The following IL23R variants were observed in gnomAD, a reference collection of about 807,000 sequenced individuals.
IL23R encodes interleukin 23 receptor.
IL23R carries 34 observed loss-of-function variants against 56.9 expected under a neutral mutation model. The ratio of observed to expected loss-of-function variants is 0.60; its 90% CI spans 0.45 to 0.80. The LOEUF (loss-of-function observed/expected upper bound fraction) is 0.80. Ranked by LOEUF, IL23R falls within the 30% of genes least tolerant of loss-of-function variation. IL23R has a pLI of 0.00. For missense variants in IL23R, 635 were observed against 730.0 expected (o/e 0.87, Z 1.50); for synonymous variants, 230 against 249.2 (o/e 0.92, Z 0.73).
chr1:67,237,674 C>T (rs112519093), intron 8 of IL23R, among the ~76,000 whole-genome samples: 180 of 152,262 alleles, frequency 1.2e-3, no homozygotes, highest in Non-Finnish European at 2.3e-3. Context: ...CTTGCCTAAA[C>T]GTTTTAGGCG....
rs1651497032 is a variant in IL23R, at chr1:67,236,696, T to C, written c.956-17T>C. On this transcript the variant is annotated splice_polypyrimidine_tract_variant and intron_variant, in intron 7 of 10. Transcript: ENST00000347310. ...TGCAAAATGTAAGAAACTGACACTC[T>C]TTCCTTTTGGTTTAAGTTCCCCAGG... 6.4e-7 allele frequency: 1 copy of C among 1,568,862 alleles called. No homozygotes were observed. Among genetic ancestry groups the C allele is most frequent in the Non-Finnish European group, 8.8e-7 (1 of 1,138,670 alleles).
chr1:67,227,727 T>G (rs1042976001), intron 7 of IL23R, among the ~76,000 whole-genome samples: 2 of 152,250 alleles, frequency 1.3e-5, no homozygotes, highest in African/African-American at 4.8e-5. Flanking sequence ...CACATAGAGA[T>G]GGGTTCTGAA....
In IL23R at chr1:67,168,301, A is replaced by C. The variant is rs878855711; in HGVS notation, c.70+111A>C. The C allele has an allele frequency of 1.5e-5, 13 of 877,402 alleles. No individual in the cohort carries two copies. In the South Asian group the frequency reaches 1.8e-4, roughly 12 times the overall value. 54.4% of individuals were successfully genotyped at this position (877,402 alleles called of 1,614,324 possible). ...ATCTCTGAAGAATACAAATATTATT[A>C]GACTAGAAAAAATGTGTGCATAAAA... On this transcript the variant is annotated intron_variant, in intron 2 of 10. Transcript: ENST00000347310.
In IL23R at chr1:67,224,377, AAC is replaced by A. The variant is rs527367849; in HGVS notation, c.955+4651_955+4652del. On this transcript the variant is annotated intron_variant, in intron 7 of 10. Transcript: ENST00000347310. ...GTGCTTAAAGGTTTATTTATGAAGAAACACAGCCCAGGCAGTAATGCCTCTTC... is the reference window on the plus strand; with the variant it reads ...GTGCTTAAAGGTTTATTTATGAAGAAACAGCCCAGGCAGTAATGCCTCTTC... 1.7e-3 allele frequency among the ~76,000 whole-genome samples: 252 copies of A among 152,362 alleles called. 1 individual carries two copies. The highest frequency in any genetic ancestry group is 5.7e-3 in the African/African-American group (236 of 41,594).
rs193028520 is a variant in IL23R at position 67,169,162 on chromosome 1, C to T, written c.71-180C>T. ...TCAAAAAAAAAAAAAAAAAAAAAAGCCTAACAGAAACACACTGTAATAGGC... is the reference window on the plus strand; with the variant it reads ...TCAAAAAAAAAAAAAAAAAAAAAAGTCTAACAGAAACACACTGTAATAGGC... On this transcript the variant is annotated intron_variant, in intron 2 of 10. Coordinates refer to ENST00000347310, the MANE Select transcript of IL23R (RefSeq NM_144701.3). Among the ~76,000 whole-genome samples the T allele has an allele frequency of 4.6e-3, 630 of 137,300 alleles. 5 individuals carry two copies. The highest frequency in any genetic ancestry group is 0.015 in the Middle Eastern group (4 of 264). 90.1% of individuals were successfully genotyped at this position (137,300 alleles called of 152,430 possible).
chr1:67,204,207 G>A (rs899017763), intron 5 of IL23R, among the ~76,000 whole-genome samples: 2 of 152,184 alleles, frequency 1.3e-5, no homozygotes, highest in Non-Finnish European at 2.9e-5. Flanking sequence ...GGGACTACAG[G>A]CGCCAGCCAC....
At chr1:67,155,413 T>C (rs758051305) in intron 1 of IL23R, among the ~76,000 whole-genome samples, 3 of 152,180 alleles carry the variant, frequency 2.0e-5, no homozygotes, top group Non-Finnish European at 2.9e-5. Context: ...TCTCCCTGTC[T>C]CTTTCAGGTA....
At position 67,177,803 on chromosome 1, in the gene IL23R, C is replaced by T. The variant is rs1362621611; in HGVS notation, c.368-5033C>T. 4.0e-5 allele frequency among the ~76,000 whole-genome samples: 6 copies of T among 150,868 alleles called. 1 individual carries two copies. Among genetic ancestry groups the T allele is most frequent in the African/African-American group, 1.5e-4 (6 of 40,352 alleles). ...CTTGAGTTAATTTTTGTATAAGGTGCAAGGAAGGGATCCAGTTTCAGCCTT... is the reference window on the plus strand; with the variant it reads ...CTTGAGTTAATTTTTGTATAAGGTGTAAGGAAGGGATCCAGTTTCAGCCTT... On this transcript the variant is annotated intron_variant, in intron 3 of 10. Coordinates refer to ENST00000347310, the MANE Select transcript of IL23R (RefSeq NM_144701.3).
At chr1:67,210,305 A>T (rs886277622) in intron 6 of IL23R, among the ~76,000 whole-genome samples, 1 of 152,230 alleles carries the variant, frequency 6.6e-6, no homozygotes, top group Admixed American at 6.5e-5. Flanking sequence ...CAGTAATTTC[A>T]GCTGTGGAGG....
At chr1:67,208,252 A>G (rs1052309287) in intron 6 of IL23R, among the ~76,000 whole-genome samples, 2 of 152,196 alleles carry the variant, frequency 1.3e-5, no homozygotes, top group South Asian at 2.1e-4. Flanking sequence ...TGACTATGCA[A>G]TAGAAAAGAA....
intron 3 of IL23R, among the ~76,000 whole-genome samples, chr1:67,178,446 T>C (rs977931994): frequency 1.3e-5 from 2 of 152,212 alleles, no homozygotes; most frequent in African/African-American, 4.8e-5. Context: ...TAAGAATGCT[T>C]GTGATTTTTG....
At chr1:67,192,247 A>C (rs1046703360) in intron 4 of IL23R, among the ~76,000 whole-genome samples, 2 of 152,232 alleles carry the variant, frequency 1.3e-5, no homozygotes, top group African/African-American at 4.8e-5. Context: ...TATCTGGATT[A>C]CTGCAGTCCT....
chr1:67,190,997 G>A (rs1280945683), intron 4 of IL23R, among the ~76,000 whole-genome samples: 1 of 152,170 alleles, frequency 6.6e-6, no homozygotes. Context: ...GACTCAAAAT[G>A]TAGTTTATAT....
chr1:67,247,034 T>C (rs1386985160), intron 9 of IL23R, among the ~76,000 whole-genome samples: 3 of 152,236 alleles, frequency 2.0e-5, no homozygotes, highest in African/African-American at 2.4e-5. Context: ...AGTTAGCTCT[T>C]CTTGTTGCAT....
chr1:67,184,447 G>A (rs1404096322), intron 4 of IL23R, among the ~76,000 whole-genome samples: 2 of 151,850 alleles, frequency 1.3e-5, no homozygotes, highest in Non-Finnish European at 2.9e-5. Flanking sequence ...TGGGGAGGCC[G>A]AGACAGGAGA....
intron 6 of IL23R, among the ~76,000 whole-genome samples, chr1:67,214,377 C>G (rs1649691742): frequency 6.6e-6 from 1 of 152,190 alleles, no homozygotes; most frequent in Non-Finnish European, 1.5e-5. Context: ...AAAAATCTGG[C>G]TTGACCTCTT....
intron 2 of IL23R, among the ~76,000 whole-genome samples, chr1:67,168,572 A>G (rs1033761376): frequency 2.0e-5 from 3 of 152,196 alleles, no homozygotes; most frequent in African/African-American, 7.2e-5. Flanking sequence ...GGCACATAGT[A>G]ACTATGTGGG....
chr1:67,140,076 C>G lies in IL23R; in HGVS notation c.-634+915C>G, dbSNP rs571120855. ...CAAGAAGTCCCTCACCAGATGTGGCCCCTCAACCTTGCACTTCTCAGTCTC... is the reference window on the plus strand; with the variant it reads ...CAAGAAGTCCCTCACCAGATGTGGCGCCTCAACCTTGCACTTCTCAGTCTC... On this transcript the variant is annotated intron_variant, in intron 1 of 10. Transcript: ENST00000637002. Among the ~76,000 whole-genome samples the G allele has an allele frequency of 1.1e-4, 16 of 152,182 alleles. No homozygotes were observed. In the South Asian group the frequency reaches 2.3e-3, roughly 22 times the overall value.
intron 9 of IL23R, among the ~76,000 whole-genome samples, chr1:67,240,503 C>T (rs950531881): frequency 3.3e-5 from 5 of 152,176 alleles, no homozygotes; most frequent in Non-Finnish European, 5.9e-5. Context: ...AGCTTCCTGG[C>T]CTATTTTACA....
Sources: allele counts gnomAD v4.1 joint callset (sites outside exome capture counted in the v4.1 genomes callset), GRCh38; gene constraint gnomAD v4.1.1; transcripts MANE v1.5; gene names NCBI Gene and HGNC (gene_info 2026-07-23, HGNC 2026-07-21).